Variants in VPS13B observed in about 807,000 individuals in gnomAD.
VPS13B encodes intermembrane lipid transfer protein VPS13B.
VPS13B carries 285 observed loss-of-function variants against 426.4 expected under a neutral mutation model. The ratio of observed to expected loss-of-function variants is 0.67; its 90% CI spans 0.61 to 0.74. The LOEUF (loss-of-function observed/expected upper bound fraction) is 0.74. Ranked by LOEUF, VPS13B falls within the 30% of genes least tolerant of loss-of-function variation. The pLI, the probability that VPS13B is intolerant of heterozygous loss-of-function variation, is 0.00. For synonymous variants in VPS13B, 1,676 were observed against 1,676.4 expected (o/e 1.00, Z 0.01); for missense variants, 4,537 against 4,782.6 (o/e 0.95, Z 1.51).
chr8:99,388,744 C>T (rs1047294708), intron 20 of VPS13B, among the ~76,000 whole-genome samples: 1 of 152,184 alleles, frequency 6.6e-6, no homozygotes, highest in Non-Finnish European at 1.5e-5. Flanking sequence ...AGTCATTCAA[C>T]AAATATAGGT....
intron 56 of VPS13B, among the ~76,000 whole-genome samples, chr8:99,856,470 G>A (rs1177923669): frequency 6.6e-6 from 1 of 152,220 alleles, no homozygotes; most frequent in Non-Finnish European, 1.5e-5. Flanking sequence ...TTGAGTCAGA[G>A]TGCCCCTGCC....
chr8:99,218,834 G>A (rs1384021396), intron 17 of VPS13B, among the ~76,000 whole-genome samples: 1 of 152,164 alleles, frequency 6.6e-6, no homozygotes, highest in Non-Finnish European at 1.5e-5. Context: ...AACTGGTTGA[G>A]TTTTGGTGGT....
intron 34 of VPS13B, among the ~76,000 whole-genome samples, chr8:99,643,236 A>G (rs1452673034): frequency 6.6e-6 from 1 of 152,160 alleles, no homozygotes; most frequent in East Asian, 1.9e-4. Context: ...GCCAAAAAAA[A>G]CTGGAGAGGG....
chr8:99,412,873 G>A (rs1001032544), intron 21 of VPS13B, among the ~76,000 whole-genome samples: 8 of 151,720 alleles, frequency 5.3e-5, no homozygotes, highest in East Asian at 1.9e-4. Context: ...ATTGATTTGC[G>A]TATGTTGAAC....
At chr8:99,350,373 G>A (rs111996121) in intron 19 of VPS13B, among the ~76,000 whole-genome samples, 31 of 152,306 alleles carry the variant, frequency 2.0e-4, no homozygotes, top group Non-Finnish European at 3.5e-4. Flanking sequence ...TGTGTTTTGC[G>A]AAGATCATTT....
chr8:99,432,952 A>G (rs1302698615), intron 22 of VPS13B, among the ~76,000 whole-genome samples: 1 of 152,234 alleles, frequency 6.6e-6, no homozygotes, highest in African/African-American at 2.4e-5. Flanking sequence ...TCCTGTCCTC[A>G]TGAAGATCAT....
chr8:99,077,490 G>A (rs1845197807), intron 3 of VPS13B, among the ~76,000 whole-genome samples: 1 of 151,830 alleles, frequency 6.6e-6, no homozygotes, highest in African/African-American at 2.4e-5. Flanking sequence ...TTTTTGAATA[G>A]CACTTTGCTG....
At chr8:99,683,902 A>G (rs1312234875) in intron 35 of VPS13B, among the ~76,000 whole-genome samples, 1 of 152,212 alleles carries the variant, frequency 6.6e-6, no homozygotes, top group Non-Finnish European at 1.5e-5. Context: ...AAGAAGGGAC[A>G]TCCTTGCCTT....
Position 99,832,367 on chromosome 8 carries a change from A to ATTTTTTTTTTTT in VPS13B, c.9331-2_9331-1insTTTTTTTTTTTT. ...TTTTTTTTTTTTTTTTTTTTTTTTT[A>ATTTTTTTTTTTT]GTATTTTCGTGTTCCAGACAGTGCT... On this transcript the variant is annotated splice_acceptor_variant, in intron 51 of 61. Transcript: ENST00000357162. LOFTEE classifies it high-confidence loss of function. 1.5e-6 allele frequency: 1 copy of ATTTTTTTTTTTT among 688,132 alleles called. No homozygotes were observed. Among genetic ancestry groups the ATTTTTTTTTTTT allele is most frequent in the Non-Finnish European group, 1.8e-6 (1 of 546,624 alleles). 42.6% of individuals were successfully genotyped at this position (688,132 alleles called of 1,614,324 possible).
chr8:99,212,660 T>TTTCTCTTCCTACC (rs141294294), intron 17 of VPS13B, among the ~76,000 whole-genome samples: 124,851 of 151,804 alleles, frequency 0.82, 51,843 homozygotes, highest in South Asian at 0.89. Context: ...AGGTGGTCTT[T>TTTCTCTTCCTACC]TTCTCTTCTT....
chr8:99,444,201 C>G (rs993872146), intron 23 of VPS13B, among the ~76,000 whole-genome samples: 1 of 151,900 alleles, frequency 6.6e-6, no homozygotes, highest in Non-Finnish European at 1.5e-5. Context: ...CAGGTTCAAA[C>G]AATTCTCCTG....
chr8:99,328,379 A>G (rs373648283), intron 19 of VPS13B, among the ~76,000 whole-genome samples: 25 of 152,290 alleles, frequency 1.6e-4, no homozygotes, highest in African/African-American at 5.8e-4. Flanking sequence ...TTTTAAAAAA[A>G]TTCTGTGGGA....
chr8:99,803,387 A>G lies in VPS13B; in HGVS notation c.7942-5988A>G, dbSNP rs553775673. Among the ~76,000 whole-genome samples, 11 of 152,328 alleles carry G rather than the reference A, an allele frequency of 7.2e-5. 1 individual carries two copies. The East Asian group carries it at 1.7e-3, about 24-fold the overall frequency. On this transcript the variant is annotated intron_variant, in intron 43 of 61. Coordinates refer to ENST00000357162, the MANE Select transcript of VPS13B (RefSeq NM_152564.5). ...AAGAATAGCCAACACTTATATCACG[A>G]CAATGCAGCCTCCATTATATCACAC...
intron 3 of VPS13B, among the ~76,000 whole-genome samples, chr8:99,038,975 G>A (rs1842860736): frequency 6.6e-6 from 1 of 152,102 alleles, no homozygotes; most frequent in Non-Finnish European, 1.5e-5. Context: ...ATGAGCCACT[G>A]TGCCTGGCCT....
intron 19 of VPS13B, among the ~76,000 whole-genome samples, chr8:99,317,706 A>G (rs897353831): frequency 6.6e-6 from 1 of 152,096 alleles, no homozygotes; most frequent in Non-Finnish European, 1.5e-5. Flanking sequence ...AATATCTTGA[A>G]TAATAATAAT....
At chr8:99,762,288 A>C (rs1247249196) in intron 39 of VPS13B, among the ~76,000 whole-genome samples, 1 of 152,058 alleles carries the variant, frequency 6.6e-6, no homozygotes, top group Non-Finnish European at 1.5e-5. Context: ...CACTTCCCAA[A>C]GTGCTGGGAT....
At chr8:99,706,583 A>G (rs188391225) in intron 36 of VPS13B, among the ~76,000 whole-genome samples, 4 of 152,158 alleles carry the variant, frequency 2.6e-5, no homozygotes. Flanking sequence ...TAACCAAATT[A>G]GTCATTTCTG....
At chr8:99,065,632 A>G (rs1041563499) in intron 3 of VPS13B, among the ~76,000 whole-genome samples, 14 of 152,342 alleles carry the variant, frequency 9.2e-5, no homozygotes, top group Admixed American at 4.6e-4. Context: ...ATTGTGCAAC[A>G]TAGTGTTGGA....
chr8:99,244,860 A>G (rs925717619), intron 17 of VPS13B, among the ~76,000 whole-genome samples: 56 of 152,340 alleles, frequency 3.7e-4, no homozygotes, highest in African/African-American at 1.3e-3. Context: ...ATGACTGAAG[A>G]TAGACACACA....
Sources: gnomAD v4.1 joint callset for allele counts (sites outside exome capture counted in the v4.1 genomes callset) on GRCh38, gnomAD v4.1.1 for gene constraint, MANE v1.5 for transcripts, NCBI Gene and HGNC (gene_info 2026-07-23, HGNC 2026-07-21) for gene names.